Variants in ZC2HC1B observed in about 807,000 individuals in gnomAD.
ZC2HC1B encodes zinc finger C2HC-type containing 1B, also known as zinc finger C2HC domain-containing protein 1B.
ZC2HC1B carries 36 observed loss-of-function variants against 31.0 expected under a neutral mutation model. That is an observed-to-expected ratio of 1.16 (90% CI 0.89 to 1.54). The LOEUF (loss-of-function observed/expected upper bound fraction) is 1.54, where lower values mean the gene tolerates loss of function less well. Among genes scored for constraint, ZC2HC1B ranks in the 40% most tolerant of loss-of-function variants. The probability of loss-of-function intolerance (pLI) is 0.00; values close to 1 mark genes in which losing one functional copy is unlikely to be tolerated. For missense variants in ZC2HC1B, 260 were observed against 268.6 expected, an observed-to-expected ratio of 0.97 and a Z score of 0.22; for synonymous variants, 73 against 88.0, an observed-to-expected ratio of 0.83 and a Z score of 0.95.
intron 4 of ZC2HC1B, among the ~76,000 whole-genome samples, chr6:143,891,004 A>G (rs1777594760): frequency 6.6e-6 from 1 of 151,546 alleles, no homozygotes; most frequent in African/African-American, 2.4e-5. Context: ...AGTGGTGGGT[A>G]CCTGTAATCC....
At chr6:143,894,437 T>G (rs1287276488) in intron 4 of ZC2HC1B, among the ~76,000 whole-genome samples, 2 of 152,210 alleles carry the variant, frequency 1.3e-5, no homozygotes, top group Non-Finnish European at 2.9e-5. Flanking sequence ...CATTGAACTG[T>G]ACATGTAAAA....
intron 1 of ZC2HC1B, among the ~76,000 whole-genome samples, chr6:143,881,100 C>G (rs937083991): frequency 6.6e-6 from 1 of 152,220 alleles, no homozygotes; most frequent in Non-Finnish European, 1.5e-5. Flanking sequence ...TCCCACTCAT[C>G]TTTATCCTTT....
At chr6:143,891,844 T>C (rs1328286524) in intron 4 of ZC2HC1B, among the ~76,000 whole-genome samples, 1 of 152,134 alleles carries the variant, frequency 6.6e-6, no homozygotes, top group East Asian at 1.9e-4. Context: ...TCAAGACTTA[T>C]TATAACAGTA....
chr6:143,935,641 T>C (rs547417446), intron 6 of ZC2HC1B, among the ~76,000 whole-genome samples: 3 of 138,776 alleles, frequency 2.2e-5, no homozygotes, highest in East Asian at 4.2e-4. Flanking sequence ...CCACTTGGTA[T>C]CACTCTTTTT....
chr6:143,928,345 C>T (rs151192495), intron 6 of ZC2HC1B, among the ~76,000 whole-genome samples: 34 of 152,242 alleles, frequency 2.2e-4, no homozygotes, highest in African/African-American at 7.7e-4. Flanking sequence ...TACAATTTTC[C>T]CAGCACCGTT....
At chr6:143,935,790 G>A (rs1778172057) in intron 6 of ZC2HC1B, among the ~76,000 whole-genome samples, 1 of 150,570 alleles carries the variant, frequency 6.6e-6, no homozygotes, top group Non-Finnish European at 1.5e-5. Flanking sequence ...GAGTATATGG[G>A]ATGACAGGCA....
At chr6:143,919,503 C>T (rs1443377903) in intron 6 of ZC2HC1B, among the ~76,000 whole-genome samples, 1 of 152,046 alleles carries the variant, frequency 6.6e-6, no homozygotes, top group Non-Finnish European at 1.5e-5. Context: ...TTACTTCAGC[C>T]AGAGCAGAAG....
chr6:143,931,564 T>C (rs766576279), intron 6 of ZC2HC1B, among the ~76,000 whole-genome samples: 1 of 152,194 alleles, frequency 6.6e-6, no homozygotes, highest in African/African-American at 2.4e-5. Context: ...TGAAAAAGAC[T>C]TTATCTCTCC....
chr6:143,875,209 G>A (rs1424888141), intron 1 of ZC2HC1B, among the ~76,000 whole-genome samples: 1 of 152,110 alleles, frequency 6.6e-6, no homozygotes, highest in Non-Finnish European at 1.5e-5. Context: ...ACAGAGAAAG[G>A]CAATTACAGG....
At chr6:143,912,901 A>G (rs1777877477) in intron 6 of ZC2HC1B, among the ~76,000 whole-genome samples, 1 of 152,188 alleles carries the variant, frequency 6.6e-6, no homozygotes, top group Non-Finnish European at 1.5e-5. Flanking sequence ...TGTCCCAGGG[A>G]CAACACAGGC....
chr6:143,907,669 C>T (rs1777812445), intron 6 of ZC2HC1B, among the ~76,000 whole-genome samples: 2 of 152,114 alleles, frequency 1.3e-5, no homozygotes, highest in Non-Finnish European at 2.9e-5. Context: ...GTAGATGCTA[C>T]ATATTTGACC....
intron 6 of ZC2HC1B, among the ~76,000 whole-genome samples, chr6:143,906,189 A>G (rs1380040327): frequency 1.3e-5 from 2 of 152,082 alleles, no homozygotes; most frequent in Non-Finnish European, 2.9e-5. Context: ...GAGATTTTTT[A>G]TTATTAATTC....
intron 6 of ZC2HC1B, among the ~76,000 whole-genome samples, chr6:143,926,011 ATTTTC>A (rs1481230505): frequency 6.7e-6 from 1 of 150,118 alleles, no homozygotes; most frequent in Admixed American, 6.6e-5. Flanking sequence ...CCTCTCTCTT[ATTTTC>A]TTGGTTAGTC....
At chr6:143,892,395 A>C (rs1315659015) in intron 4 of ZC2HC1B, among the ~76,000 whole-genome samples, 1 of 151,172 alleles carries the variant, frequency 6.6e-6, no homozygotes, top group Non-Finnish European at 1.5e-5. Context: ...TCCCACACTC[A>C]AGCTATCCTC....
rs927433849 is a variant in ZC2HC1B, at chr6:143,922,959, C to T, written c.599-14690C>T. ...CTTCTGCAAGGGCTGTACTAATTTA[C>T]TTTCCAACCAACAGTGTATAATATA... On this transcript the variant is annotated intron_variant, in intron 6 of 7. Transcript: ENST00000237275. The surrounding 1 kb of genome is among the most constrained non-coding windows in gnomAD (Gnocchi z 5.0). 2.6e-5 allele frequency among the ~76,000 whole-genome samples: 4 copies of T among 152,122 alleles called. No homozygotes were observed. The highest frequency in any genetic ancestry group is 9.7e-5 in the African/African-American group (4 of 41,450).
At chr6:143,897,492 A>C (rs1777681154) in intron 4 of ZC2HC1B, among the ~76,000 whole-genome samples, 1 of 151,700 alleles carries the variant, frequency 6.6e-6, no homozygotes. Context: ...CAAATGAAAG[A>C]AGAAAAAAAA....
intron 5 of ZC2HC1B, among the ~76,000 whole-genome samples, chr6:143,902,449 G>A (rs1777748032): frequency 6.6e-6 from 1 of 152,138 alleles, no homozygotes; most frequent in Non-Finnish European, 1.5e-5. Context: ...CTCACTTGGT[G>A]TAACAGGTTA....
In ZC2HC1B at chr6:143,886,052, T is replaced by C; in HGVS notation, c.111T>C (p.Cys37=). 2 of 1,541,524 alleles carry C rather than the reference T, an allele frequency of 1.3e-6. No individual in the cohort carries two copies. Among genetic ancestry groups the C allele is most frequent in the Non-Finnish European group, 8.7e-7 (1 of 1,144,056 alleles). The change falls in exon 3 of 8, where the codon TGT becomes TGC. Residue 37 remains cysteine (C), a synonymous_variant. Transcript: ENST00000237275. The surrounding 1 kb of genome is among the most constrained non-coding windows in gnomAD (Gnocchi z 4.2). ...ADVLERHGPI[C]KKLFNRKRKP... ...TCTAGGAAAGGCATGGACCAATATG[T>C]AAGAAACTCTTCAACAGAAAGCGTA...
At chr6:143,901,501 C>G (rs1777738563) in intron 5 of ZC2HC1B, among the ~76,000 whole-genome samples, 1 of 151,956 alleles carries the variant, frequency 6.6e-6, no homozygotes, top group Non-Finnish European at 1.5e-5. Flanking sequence ...CTCAGGTGAT[C>G]TGCCTGCCTT....
Sources: allele counts gnomAD v4.1 joint callset (sites outside exome capture counted in the v4.1 genomes callset), GRCh38; gene constraint gnomAD v4.1.1; non-coding constraint Gnocchi (gnomAD v3.1); transcripts MANE v1.5; gene names NCBI Gene and HGNC (gene_info 2026-07-23, HGNC 2026-07-21).